Variants in DONSON observed in about 807,000 individuals in gnomAD.
DONSON encodes protein downstream neighbor of Son.
Under a neutral mutation model 62.1 loss-of-function variants are expected in DONSON, and 43 were observed. The ratio of observed to expected loss-of-function variants is 0.69; its 90% CI spans 0.54 to 0.89. The LOEUF (loss-of-function observed/expected upper bound fraction) is 0.89. Ranked by LOEUF, DONSON falls within the 40% of genes least tolerant of loss-of-function variation. The probability of loss-of-function intolerance (pLI) is 0.00; values close to 1 mark genes in which losing one functional copy is unlikely to be tolerated. For synonymous variants in DONSON, 266 were observed against 264.6 expected (o/e 1.01, Z -0.05); for missense variants, 696 against 697.5 (o/e 1.00, Z 0.03).
At chr21:33,584,525 G>T in intron 4 of DONSON, 65 bp downstream of exon 4, 1 of 1,423,300 alleles carries the variant, frequency 7.0e-7, no homozygotes. Flanking sequence ...TCACAAATAT[G>T]ATAGAGAATG....
At chr21:33,584,902 T>A in intron 3 of DONSON, 134 bp from the exon 4 acceptor site, 2 of 722,028 alleles carry the variant, frequency 2.8e-6, no homozygotes, top group Non-Finnish European at 4.0e-6. Flanking sequence ...ATAATTGTTA[T>A]AGGAACGAAA....
In DONSON at chr21:33,588,678, G is replaced by C; in HGVS notation, c.-37C>G. The C allele has an allele frequency of 3.3e-6, 4 of 1,223,706 alleles. No individual in the cohort carries two copies. The highest frequency in any genetic ancestry group is 4.1e-6 in the Non-Finnish European group (4 of 982,446). The allele number at this position is 1,223,706 out of a possible 1,614,324, so 75.8% of individuals were successfully genotyped here. On this transcript the variant is annotated 5_prime_UTR_variant, in exon 1 of 10. Transcript: ENST00000303071. Reference sequence around the variant, plus strand: ...GCTGAGGGTAGCCGGCCGCCCTACAGAGACTTCCCGCGCGCGCCGGGCCCG... The same window carrying C: ...GCTGAGGGTAGCCGGCCGCCCTACACAGACTTCCCGCGCGCGCCGGGCCCG...
intron 2 of DONSON, among the ~76,000 whole-genome samples, chr21:33,586,929 T>A (rs944665226): frequency 9.9e-5 from 15 of 152,214 alleles, no homozygotes; most frequent in African/African-American, 3.6e-4. Flanking sequence ...CATGAGCCAC[T>A]GTGCCCGGCC....
chr21:33,583,572 C>G lies in DONSON; in HGVS notation c.880G>C (p.Ala294Pro). Residue 294 changes from alanine to proline, a missense_variant, in exon 5 of 10, where the codon GCA becomes CCA. Physicochemically the swap from Ala to Pro is conservative, Grantham distance 27 (BLOSUM62 -1). Transcript: ENST00000303071. ...AAGTCACTTCCAGCTAATCCTGCTGCTCGGAACAGGACAGTAAACTGATAG... is the reference window on the plus strand; with the variant it reads ...AAGTCACTTCCAGCTAATCCTGCTGGTCGGAACAGGACAGTAAACTGATAG... ...CTYQFTVLFR[A>P]AGLAGSDLIT... 6.2e-7 allele frequency: 1 copy of G among 1,613,970 alleles called. No homozygotes were observed. The highest frequency in any genetic ancestry group is 8.5e-7 in the Non-Finnish European group (1 of 1,179,976).
intron 8 of DONSON, among the ~76,000 whole-genome samples, chr21:33,580,954 A>T (rs2086501735): frequency 6.6e-6 from 1 of 151,960 alleles, no homozygotes; most frequent in South Asian, 2.1e-4. Flanking sequence ...TGTGCTTGTA[A>T]TCCCAGCTAC....
chr21:33,581,069 CAA>C (rs2086503516), intron 8 of DONSON: 1 of 396,486 alleles, frequency 2.5e-6, no homozygotes, highest in Non-Finnish European at 4.6e-6. Flanking sequence ...GATAGCAGCG[CAA>C]GACTCCATCT....
Position 33,577,701 on chromosome 21 carries a change from A to G in DONSON, c.*606T>C, listed in dbSNP as rs184112282. The stretch of plus-strand genomic sequence containing the variant: ...CACACACACACACACACACACACAC[A>G]CCCCTATAAGCACATTAAATACTAC... On this transcript the variant is annotated 3_prime_UTR_variant, in exon 10 of 10. Coordinates refer to ENST00000303071, the MANE Select transcript of DONSON (RefSeq NM_017613.4). The G allele has an allele frequency of 3.0e-5, 4 of 132,816 alleles. No homozygotes were observed. Among genetic ancestry groups the G allele is most frequent in the African/African-American group, 8.8e-5 (3 of 34,048 alleles). 8.2% of individuals were successfully genotyped at this position (132,816 alleles called of 1,614,324 possible).
intron 8 of DONSON, 29 bp from the exon 9 acceptor site, chr21:33,579,591 T>A: frequency 6.3e-7 from 1 of 1,597,002 alleles, no homozygotes; most frequent in Non-Finnish European, 8.6e-7. Context: ...AAAAGGAAAA[T>A]TAAGATCATC....
At position 33,577,608 on chromosome 21, in the gene DONSON, C is replaced by CATACAT. The variant is rs1569072634; in HGVS notation, c.*698_*699insATGTAT. On this transcript the variant is annotated 3_prime_UTR_variant, in exon 10 of 10. Coordinates refer to ENST00000303071, the MANE Select transcript of DONSON (RefSeq NM_017613.4). ...GTGAATTATACAGTCCCCCCCTACA[C>CATACAT]ACACACACACACACACACACACACA... 107 of 1,932 alleles carry CATACAT rather than the reference C, an allele frequency of 0.055. 2 individuals carry two copies. Among genetic ancestry groups the CATACAT allele is most frequent in the Admixed American group, 0.076 (21 of 276 alleles). 0.1% of individuals were successfully genotyped at this position (1,932 alleles called of 1,614,324 possible).
rs2086605862 is a variant in DONSON, at chr21:33,588,352, G to C, written c.290C>G (p.Pro97Arg). The C allele has an allele frequency of 1.5e-6, 2 of 1,291,792 alleles. No individual in the cohort carries two copies. The highest frequency in any genetic ancestry group is 3.8e-5 in the Admixed American group (1 of 26,424). The allele number at this position is 1,291,792 out of a possible 1,614,324, so 80.0% of individuals were successfully genotyped here. A position where few individuals can be genotyped will look rare whatever the true frequency, so the allele number is the denominator to read the frequency against. Reference sequence around the variant, plus strand: ...CGGGGCCTCCGGCTGCTCGCGGGCCGGCCCGTCGGGGGGCTCCGCGGCGAC... The same window carrying C: ...CGGGGCCTCCGGCTGCTCGCGGGCCCGCCCGTCGGGGGGCTCCGCGGCGAC... ...PRVAAEPPDGPAREQPEAPVP... is the reference protein window; with the variant it reads ...PRVAAEPPDGRAREQPEAPVP... Residue 97 changes from proline (P) to arginine (R), a missense_variant, in exon 1 of 10, where the codon CCG (proline) becomes CGG (arginine). Transcript: ENST00000303071.
At chr21:33,587,912 TGA>T (rs1282806776) in intron 1 of DONSON, among the ~76,000 whole-genome samples, 1 of 152,160 alleles carries the variant, frequency 6.6e-6, no homozygotes, top group Non-Finnish European at 1.5e-5. Context: ...TTGGAGTGCG[TGA>T]GAGAAGGGAG....
At position 33,581,964 on chromosome 21, in the gene DONSON, G is replaced by A; in HGVS notation, c.1138C>T (p.Leu380Phe). The A allele has an allele frequency of 6.2e-7, 1 of 1,614,044 alleles. No individual in the cohort carries two copies. Among genetic ancestry groups the A allele is most frequent in the South Asian group, 1.1e-5 (1 of 91,076 alleles). ...CTGAAAGGATACAGCTTGATAGAAA[G>A]TATGTCTGGCTTTTTAATTTTATCT... ...VQDKIKKPDILSIKLRKEKHE... is the reference protein window; with the variant it reads ...VQDKIKKPDIFSIKLRKEKHE... Residue 380 changes from leucine (L) to phenylalanine (F), a missense_variant, in exon 7 of 10, where the codon CTT becomes TTT. Transcript: ENST00000303071.
chr21:33,580,208 G>A (rs571964437), intron 8 of DONSON, among the ~76,000 whole-genome samples: 109 of 151,114 alleles, frequency 7.2e-4, no homozygotes, highest in African/African-American at 2.6e-3. Flanking sequence ...CAGCCTGGGT[G>A]ACAGAGCAAG....
In DONSON at chr21:33,579,539, T is replaced by C; in HGVS notation, c.1374A>G (p.Thr458=). The change falls in exon 9 of 10, where the codon ACA becomes ACG. Residue 458 remains threonine (T), a synonymous_variant. Coordinates refer to ENST00000303071, the MANE Select transcript of DONSON (RefSeq NM_017613.4). ...MLKARSVNVK[T]QALSGYRDQF... is the part of the protein sequence containing the mutation. The stretch of plus-strand genomic sequence containing the variant: ...GGTCTCTGTATCCAGAAAGAGCTTG[T>C]GTCTTCACATTCACACTCCGTGCCT... 6.2e-7 allele frequency: 1 copy of C among 1,614,176 alleles called. No individual in the cohort carries two copies. The highest frequency in any genetic ancestry group is 8.5e-7 in the Non-Finnish European group (1 of 1,180,004).
At chr21:33,584,986 C>T (rs1033384108) in intron 3 of DONSON, among the ~76,000 whole-genome samples, 2 of 152,114 alleles carry the variant, frequency 1.3e-5, no homozygotes, top group African/African-American at 4.8e-5. Context: ...TAGATGGGAA[C>T]ATTTTCCTGT....
chr21:33,582,360 G>A (rs1293004793), intron 5 of DONSON, 114 bp from the exon 6 acceptor site: 1 of 788,818 alleles, frequency 1.3e-6, no homozygotes, highest in Non-Finnish European at 2.0e-6. Context: ...GATCTATTAA[G>A]GCAGTAGAGT....
intron 8 of DONSON, among the ~76,000 whole-genome samples, chr21:33,580,040 C>CA (rs1402197857): frequency 6.6e-6 from 1 of 151,146 alleles, no homozygotes; most frequent in Admixed American, 6.6e-5. Context: ...ATTAAAAATA[C>CA]AAAAAAATTA....
chr21:33,588,652 G>T lies in DONSON; in HGVS notation c.-11C>A, dbSNP rs941914153. The T allele has an allele frequency of 2.6e-5, 32 of 1,231,524 alleles. No individual in the cohort carries two copies. The African/African-American group carries it at 4.7e-4, about 18-fold the overall frequency. 76.3% of individuals were successfully genotyped at this position (1,231,524 alleles called of 1,614,324 possible). A position where few individuals can be genotyped will look rare whatever the true frequency, so the allele number is the denominator to read the frequency against. On this transcript the variant is annotated 5_prime_UTR_variant, in exon 1 of 10. Transcript: ENST00000303071. The stretch of plus-strand genomic sequence containing the variant: ...CACCGAAAGGGCCATGACGCGCGGC[G>T]GCTGAGGGTAGCCGGCCGCCCTACA...
chr21:33,579,831 C>T (rs2086485299), intron 8 of DONSON, among the ~76,000 whole-genome samples: 1 of 152,142 alleles, frequency 6.6e-6, no homozygotes, highest in Admixed American at 6.5e-5. Context: ...TTTAGTAATA[C>T]ACTGTCAATG....
Sources: gnomAD v4.1 joint callset for allele counts (sites outside exome capture counted in the v4.1 genomes callset) on GRCh38, gnomAD v4.1.1 for gene constraint, MANE v1.5 for transcripts, NCBI Gene and HGNC (gene_info 2026-07-23, HGNC 2026-07-21) for gene names.